The following AUH variants were observed in gnomAD, a reference collection of about 807,000 sequenced individuals.
The protein encoded by AUH is AU RNA binding methylglutaconyl-CoA hydratase.
AUH carries 29 observed loss-of-function variants against 42.3 expected under a neutral mutation model. That is an observed-to-expected ratio of 0.69 (90% CI 0.51 to 0.93). The LOEUF is 0.93. Ranked by LOEUF, AUH falls within the 40% of genes least tolerant of loss-of-function variation. The probability of loss-of-function intolerance (pLI) is 0.00; values close to 1 mark genes in which losing one functional copy is unlikely to be tolerated. For missense variants in AUH, 452 were observed against 438.1 expected, an observed-to-expected ratio of 1.03 and a Z score of -0.28; for synonymous variants, 174 against 166.4, an observed-to-expected ratio of 1.05 and a Z score of -0.35.
intron 3 of AUH, among the ~76,000 whole-genome samples, chr9:91,336,143 T>C (rs1830669086): frequency 6.6e-6 from 1 of 152,194 alleles, no homozygotes; most frequent in Non-Finnish European, 1.5e-5. Flanking sequence ...TTATTAGAAA[T>C]TTTAGTAAAA....
intron 4 of AUH, among the ~76,000 whole-genome samples, chr9:91,316,224 A>AT (rs1041661520): frequency 5.3e-5 from 8 of 152,070 alleles, no homozygotes; most frequent in Non-Finnish European, 8.8e-5. Flanking sequence ...AAGATGAGGA[A>AT]TTTTTTTTAA....
chr9:91,315,852 A>G (rs1158930958), intron 4 of AUH, among the ~76,000 whole-genome samples: 3 of 152,210 alleles, frequency 2.0e-5, no homozygotes, highest in Non-Finnish European at 4.4e-5. Context: ...CCATCCTTGT[A>G]AAGTCTGTGT....
intron 6 of AUH, 89 bp from the exon 7 acceptor site, chr9:91,221,081 A>G (rs192910369): frequency 1.3e-4 from 183 of 1,426,624 alleles, no homozygotes; most frequent in Non-Finnish European, 1.7e-4. Context: ...TATAAAAATA[A>G]ACCAGGGCCA....
At chr9:91,310,581 A>C (rs986270358) in intron 4 of AUH, among the ~76,000 whole-genome samples, 2 of 152,212 alleles carry the variant, frequency 1.3e-5, no homozygotes, top group Non-Finnish European at 2.9e-5. Flanking sequence ...ACTTACACCA[A>C]AATAATTCAA....
chr9:91,341,978 C>G (rs10512211), intron 3 of AUH, among the ~76,000 whole-genome samples: 14,439 of 152,084 alleles, frequency 0.095, 717 homozygotes, highest in Middle Eastern at 0.12. Flanking sequence ...CTTTGTCAAG[C>G]AGAGAGAGTA....
At chr9:91,273,005 C>G (rs1825271556) in intron 6 of AUH, among the ~76,000 whole-genome samples, 2 of 152,216 alleles carry the variant, frequency 1.3e-5, no homozygotes, top group African/African-American at 4.8e-5. Flanking sequence ...AGTCAAGTTT[C>G]TTGGCAGCTA....
At chr9:91,287,850 A>C (rs1257486733) in intron 6 of AUH, among the ~76,000 whole-genome samples, 1 of 152,124 alleles carries the variant, frequency 6.6e-6, no homozygotes, top group Non-Finnish European at 1.5e-5. Context: ...TTGATTATGT[A>C]AGAGACCATT....
intron 6 of AUH, among the ~76,000 whole-genome samples, chr9:91,272,688 C>T (rs937016357): frequency 3.9e-5 from 6 of 152,178 alleles, no homozygotes; most frequent in African/African-American, 1.4e-4. Context: ...ATGTATCCGT[C>T]TGCCTCCTCG....
intron 3 of AUH, among the ~76,000 whole-genome samples, chr9:91,353,707 G>A (rs867684903): frequency 4.6e-5 from 7 of 151,356 alleles, no homozygotes; most frequent in African/African-American, 1.2e-4. Context: ...GCTTGGTGGC[G>A]GGCGCCTGTA....
intron 4 of AUH, among the ~76,000 whole-genome samples, chr9:91,313,161 C>T (rs1352823215): frequency 2.0e-5 from 3 of 152,092 alleles, no homozygotes; most frequent in East Asian, 1.9e-4. Flanking sequence ...CAGGAAAAAC[C>T]GGTCTGTTTT....
intron 6 of AUH, among the ~76,000 whole-genome samples, chr9:91,276,730 A>G (rs547717341): frequency 1.3e-5 from 2 of 152,306 alleles, no homozygotes; most frequent in Non-Finnish European, 2.9e-5. Context: ...ACAACATAGC[A>G]CCATGGAAAC....
At chr9:91,231,400 G>A (rs7859197) in intron 6 of AUH, among the ~76,000 whole-genome samples, 2,373 of 152,240 alleles carry the variant, frequency 0.016, 71 homozygotes, top group African/African-American at 0.053. Flanking sequence ...GCAATGCCTC[G>A]CCCTGCTTCG....
At chr9:91,231,561 G>C (rs767983080) in intron 6 of AUH, among the ~76,000 whole-genome samples, 1 of 152,166 alleles carries the variant, frequency 6.6e-6, no homozygotes, top group African/African-American at 2.4e-5. Flanking sequence ...GTTCCTATTC[G>C]GTCATCTAAA....
chr9:91,352,686 G>T (rs1832083338), intron 3 of AUH, among the ~76,000 whole-genome samples: 1 of 152,072 alleles, frequency 6.6e-6, no homozygotes, highest in Admixed American at 6.6e-5. Flanking sequence ...AAAAGATGTA[G>T]CCAAATTTAC....
chr9:91,337,149 TTC>T (rs1327670614), intron 3 of AUH, among the ~76,000 whole-genome samples: 1 of 152,148 alleles, frequency 6.6e-6, no homozygotes, highest in Admixed American at 6.5e-5. Flanking sequence ...CAGAGATTAT[TTC>T]TCTGTTATTT....
chr9:91,259,694 A>G (rs940399090), intron 6 of AUH, among the ~76,000 whole-genome samples: 4 of 152,256 alleles, frequency 2.6e-5, no homozygotes, highest in Admixed American at 1.3e-4. Context: ...CCCACAGACT[A>G]CTTAGAAGTA....
intron 6 of AUH, among the ~76,000 whole-genome samples, chr9:91,289,236 G>A (rs900597195): frequency 2.0e-5 from 3 of 152,204 alleles, no homozygotes; most frequent in African/African-American, 7.2e-5. Flanking sequence ...GTTTTCTAGA[G>A]TGGCTACAAT....
intron 7 of AUH, among the ~76,000 whole-genome samples, chr9:91,219,183 C>A (rs1826991505): frequency 6.6e-6 from 1 of 152,132 alleles, no homozygotes; most frequent in East Asian, 1.9e-4. Context: ...ATGGTGGCCA[C>A]AGAAGCATCA....
At chr9:91,306,473 T>C (rs1828230828) in intron 4 of AUH, 1 of 766,740 alleles carries the variant, frequency 1.3e-6, no homozygotes, top group Non-Finnish European at 1.6e-6. Flanking sequence ...TTACTTTCAC[T>C]TGGCAGGAAA....
Sources: allele counts gnomAD v4.1 joint callset (sites outside exome capture counted in the v4.1 genomes callset), GRCh38; gene constraint gnomAD v4.1.1; transcripts MANE v1.5; gene names NCBI Gene and HGNC (gene_info 2026-07-23, HGNC 2026-07-21).